MDGA2: variants seen among roughly 807,000 people sequenced by gnomAD.
The protein encoded by MDGA2 is MAM domain containing glycosylphosphatidylinositol anchor 2, also known as MAM domain-containing glycosylphosphatidylinositol anchor protein 2.
A neutral mutation model predicts 117.8 loss-of-function variants in MDGA2; 40 were observed. The ratio of observed to expected loss-of-function variants is 0.34; its 90% CI spans 0.26 to 0.44. The LOEUF is 0.44. MDGA2 is among the 20% of genes least tolerant of loss of function. The pLI is 1.00. For missense variants in MDGA2, 1,123 were observed against 1,250.6 expected (o/e 0.90, Z 1.54); for synonymous variants, 452 against 439.0 (o/e 1.03, Z -0.37).
At chr14:47,012,026 C>A (rs1215365935) in intron 8 of MDGA2, among the ~76,000 whole-genome samples, 1 of 151,938 alleles carries the variant, frequency 6.6e-6, no homozygotes, top group African/African-American at 2.4e-5. Flanking sequence ...TAGGCATTTA[C>A]ATTTTTTTAC....
At chr14:47,210,678 G>A (rs530885726) in intron 3 of MDGA2, among the ~76,000 whole-genome samples, 1 of 152,102 alleles carries the variant, frequency 6.6e-6, no homozygotes, top group African/African-American at 2.4e-5. Context: ...AAACAGTATC[G>A]GTATTAGAAT....
At chr14:47,452,082 T>C (rs535692856) in intron 1 of MDGA2, among the ~76,000 whole-genome samples, 8 of 152,224 alleles carry the variant, frequency 5.3e-5, no homozygotes, top group African/African-American at 1.9e-4. Context: ...AAAAGAAATA[T>C]TTTGAACAGG....
At chr14:47,407,032 T>C (rs1044803494) in intron 1 of MDGA2, among the ~76,000 whole-genome samples, 1 of 152,098 alleles carries the variant, frequency 6.6e-6, no homozygotes, top group Non-Finnish European at 1.5e-5. Context: ...ATTTGTAAAA[T>C]ACAATCCATT....
intron 2 of MDGA2, among the ~76,000 whole-genome samples, chr14:47,277,182 T>C (rs1425966704): frequency 6.6e-6 from 1 of 152,196 alleles, no homozygotes; most frequent in African/African-American, 2.4e-5. Context: ...CCTGCTTTCT[T>C]CAGACCCTGC....
intron 1 of MDGA2, among the ~76,000 whole-genome samples, chr14:47,324,644 T>C (rs918703440): frequency 6.6e-6 from 1 of 151,588 alleles, no homozygotes; most frequent in African/African-American, 2.4e-5. Context: ...CACAAATTCA[T>C]GCATTTTTTT....
At chr14:47,058,966 T>A in intron 7 of MDGA2, 8 of 976,432 alleles carry the variant, frequency 8.2e-6, no homozygotes, top group Non-Finnish European at 9.8e-6. Context: ...TTATTTTCAC[T>A]GGACACCACA....
intron 13 of MDGA2, 197 bp from the exon 14 acceptor site, chr14:46,873,788 G>A: frequency 1.7e-6 from 1 of 572,718 alleles, no homozygotes; most frequent in Admixed American, 3.9e-5. Flanking sequence ...CCAAATTAAA[G>A]ATAAAATGTA....
At chr14:47,459,291 C>T in intron 1 of MDGA2, among the ~76,000 whole-genome samples, 1 of 152,040 alleles carries the variant, frequency 6.6e-6, no homozygotes. Flanking sequence ...AAGACAGTGG[C>T]CTGGTTTTCT....
At chr14:47,619,677 C>T (rs964595800) in intron 1 of MDGA2, among the ~76,000 whole-genome samples, 3 of 152,160 alleles carry the variant, frequency 2.0e-5, no homozygotes, top group African/African-American at 7.2e-5. Context: ...ACTCACAGGT[C>T]AAGCATAAGG....
Position 46,919,918 on chromosome 14 carries a change from T to C in MDGA2, c.2238+94A>G, listed in dbSNP as rs182640266. The stretch of plus-strand genomic sequence containing the variant: ...CAGAAACACATATACATAAAATATA[T>C]TTTGGAATTCATGCAAAACTCTTAG... On this transcript the variant is annotated intron_variant, in intron 10 of 16. Coordinates refer to ENST00000399232, the MANE Select transcript of MDGA2 (RefSeq NM_001113498.3). 526 of 1,119,402 alleles carry C rather than the reference T, an allele frequency of 4.7e-4. 2 individuals carry two copies. The highest frequency in any genetic ancestry group is 3.9e-3 in the Admixed American group (121 of 31,004). 69.3% of individuals were successfully genotyped at this position (1,119,402 alleles called of 1,614,324 possible).
chr14:46,845,334 ATC>A (rs1293323929), intron 16 of MDGA2, among the ~76,000 whole-genome samples: 6 of 152,104 alleles, frequency 3.9e-5, no homozygotes, highest in East Asian at 1.9e-4. Context: ...AGTCAATTAA[ATC>A]TCTTTCTTTT....
chr14:47,101,588 C>T (rs1054162327), intron 5 of MDGA2, among the ~76,000 whole-genome samples: 14 of 152,134 alleles, frequency 9.2e-5, no homozygotes, highest in South Asian at 2.1e-4. Context: ...TCCAGGGAGA[C>T]AGCTCCCAGT....
chr14:47,107,611 T>C (rs951377000), intron 5 of MDGA2, among the ~76,000 whole-genome samples: 3 of 151,596 alleles, frequency 2.0e-5, no homozygotes, highest in African/African-American at 7.3e-5. Flanking sequence ...ATCTGTTACC[T>C]ATCTCGGCAT....
intron 7 of MDGA2, among the ~76,000 whole-genome samples, chr14:47,056,927 A>G (rs1457182817): frequency 1.3e-5 from 2 of 152,136 alleles, no homozygotes; most frequent in Non-Finnish European, 2.9e-5. Flanking sequence ...AGCGTATAGT[A>G]TATTTAATTA....
chr14:46,957,678 G>A (rs780372008), intron 8 of MDGA2, 35 bp from the exon 9 acceptor site: 3 of 1,609,576 alleles, frequency 1.9e-6, no homozygotes, highest in Non-Finnish European at 2.5e-6. Flanking sequence ...GATGAAAGAT[G>A]TGACTTGCAA....
chr14:46,934,960 G>A (rs1884724048), intron 9 of MDGA2, among the ~76,000 whole-genome samples: 1 of 151,618 alleles, frequency 6.6e-6, no homozygotes, highest in African/African-American at 2.4e-5. Flanking sequence ...TCTTTTGCTT[G>A]TACATAATAC....
intron 1 of MDGA2, among the ~76,000 whole-genome samples, chr14:47,378,011 C>A (rs1349902163): frequency 6.6e-6 from 1 of 152,186 alleles, no homozygotes; most frequent in Non-Finnish European, 1.5e-5. Context: ...TGAGACGAAG[C>A]TTCCAGAGGA....
chr14:47,021,831 A>G (rs1309157697), intron 8 of MDGA2, among the ~76,000 whole-genome samples: 1 of 152,208 alleles, frequency 6.6e-6, no homozygotes, highest in Non-Finnish European at 1.5e-5. Flanking sequence ...TGGCACTGCT[A>G]GAATTTGAAT....
At chr14:46,962,453 G>T (rs916290314) in intron 8 of MDGA2, among the ~76,000 whole-genome samples, 1 of 151,936 alleles carries the variant, frequency 6.6e-6, no homozygotes, top group African/African-American at 2.4e-5. Context: ...GAATATTCTG[G>T]GTTTGAAGTT....
Sources: gnomAD v4.1 joint callset for allele counts (sites outside exome capture counted in the v4.1 genomes callset) on GRCh38, gnomAD v4.1.1 for gene constraint, MANE v1.5 for transcripts, NCBI Gene and HGNC (gene_info 2026-07-23, HGNC 2026-07-21) for gene names.